PADI1: variants seen among roughly 807,000 people sequenced by gnomAD.
PADI1 encodes protein-arginine deiminase type-1.
In PADI1, 65 loss-of-function variants were observed where a neutral mutation model predicts 74.8. That is an observed-to-expected ratio of 0.87 (90% CI 0.71 to 1.07). The LOEUF (loss-of-function observed/expected upper bound fraction) is 1.07. Among genes scored for constraint, PADI1 ranks in the 50% least tolerant of loss-of-function variants. The pLI is 0.00. For missense variants in PADI1, 943 were observed against 854.0 expected, an observed-to-expected ratio of 1.10 and a Z score of -1.30; for synonymous variants, 371 against 336.2, an observed-to-expected ratio of 1.10 and a Z score of -1.13.
intron 2 of PADI1, among the ~76,000 whole-genome samples, chr1:17,222,685 G>A (rs72646750): frequency 0.12 from 18,026 of 152,070 alleles, 1,227 homozygotes; most frequent in Non-Finnish European, 0.16. Context: ...ACATGTACAC[G>A]TGAGTACTCC....
rs552100900 is a variant in PADI1 at position 17,232,691 on chromosome 1, G to A, written c.1162-128G>A. ...GATTTGTAAAAAGTGGACAGAGATC[G>A]TTTTTCAGGTACTAAGAGCCATGGA... On this transcript the variant is annotated intron_variant, in intron 10 of 15. Coordinates refer to ENST00000375471, the MANE Select transcript of PADI1 (RefSeq NM_013358.3). 57 of 708,480 alleles carry A rather than the reference G, an allele frequency of 8.0e-5. No individual in the cohort carries two copies. In the East Asian group the frequency reaches 1.7e-3, roughly 21 times the overall value. 43.9% of individuals were successfully genotyped at this position (708,480 alleles called of 1,614,324 possible).
intron 10 of PADI1, among the ~76,000 whole-genome samples, chr1:17,231,278 G>C (rs1469200533): frequency 6.6e-6 from 1 of 152,134 alleles, no homozygotes; most frequent in African/African-American, 2.4e-5. Flanking sequence ...GGAAATCAAG[G>C]CTCAGGGAGG....
At chr1:17,229,993 G>T in intron 8 of PADI1, 92 bp from the exon 9 acceptor site, 1 of 1,238,970 alleles carries the variant, frequency 8.1e-7, no homozygotes. Context: ...TACCCCAGAG[G>T]CTGCACAGGG....
At chr1:17,228,521 A>G in intron 6 of PADI1, 104 bp from the exon 7 acceptor site, 1 of 1,207,528 alleles carries the variant, frequency 8.3e-7, no homozygotes, top group South Asian at 1.3e-5. Context: ...GCCAGAGAGG[A>G]ACCCAAGCTG....
At chr1:17,233,619 G>A (rs908815622) in intron 11 of PADI1, among the ~76,000 whole-genome samples, 9 of 152,260 alleles carry the variant, frequency 5.9e-5, no homozygotes, top group Non-Finnish European at 1.0e-4. Flanking sequence ...AAAGAATGAC[G>A]TGTGCAGTTC....
Position 17,226,015 on chromosome 1 carries a change from G to A in PADI1, c.527-18G>A, listed in dbSNP as rs1184726179. 6.2e-7 allele frequency: 1 copy of A among 1,613,586 alleles called. No individual in the cohort carries two copies. The highest frequency in any genetic ancestry group is 2.2e-5 in the East Asian group (1 of 44,858). On this transcript the variant is annotated intron_variant, in intron 5 of 15. Transcript: ENST00000375471. ...TGGGGTGGAGAAAGGGCGATCTCAA[G>A]AGGGCCACTCTCTCCAGACCTGCAG...
chr1:17,238,643 A>C lies in PADI1; in HGVS notation c.1486A>C (p.Ser496Arg), dbSNP rs200423722. 245 of 1,549,274 alleles carry C rather than the reference A, an allele frequency of 1.6e-4. No individual in the cohort carries two copies. In the South Asian group the frequency reaches 2.7e-3, roughly 17 times the overall value. Reference protein sequence around the residue: ...KGFRLLLASPSACLKLFQEKK... With the variant: ...KGFRLLLASPRACLKLFQEKK... ...CTTCCGGCTGCTCCTGGCTAGCCCC[A>C]GCGCTTGCCTCAAACTCTTCCAAGA... The change falls in exon 13 of 16, where the codon AGC (serine) becomes CGC (arginine). Residue 496 changes from serine (S) to arginine (R), a missense_variant. Physicochemically the swap from Ser to Arg is moderately radical, Grantham distance 110. Transcript: ENST00000375471.
chr1:17,228,998 C>A lies in PADI1; in HGVS notation c.876C>A (p.Ala292=), dbSNP rs142061042. ...LFTDTVGFRM[A]PWIMTPNTQP... ...CAGACACTGTGGGCTTCCGCATGGC[C>A]CCCTGGATCATGACGCCCAACACTC... The change falls in exon 8 of 16, where the codon GCC becomes GCA. Residue 292 remains alanine, a synonymous_variant. Coordinates refer to ENST00000375471, the MANE Select transcript of PADI1 (RefSeq NM_013358.3). The A allele has an allele frequency of 4.4e-6, 7 of 1,595,862 alleles. No homozygotes were observed. In the African/African-American group the frequency reaches 8.0e-5, roughly 18 times the overall value.
At chr1:17,218,583 C>T (rs1194193710) in intron 1 of PADI1, among the ~76,000 whole-genome samples, 2 of 152,170 alleles carry the variant, frequency 1.3e-5, no homozygotes, top group African/African-American at 4.8e-5. Flanking sequence ...AGAAAAGACC[C>T]ACTGGGTTTG....
intron 6 of PADI1, 95 bp from the exon 7 acceptor site, chr1:17,228,530 T>C: frequency 2.2e-6 from 3 of 1,340,382 alleles, no homozygotes; most frequent in Non-Finnish European, 3.2e-6. Flanking sequence ...GAACCCAAGC[T>C]GCTCTAACCA....
intron 15 of PADI1, among the ~76,000 whole-genome samples, chr1:17,243,621 CCTTGTAGGTGTG>C (rs2072820900): frequency 6.6e-6 from 1 of 152,228 alleles, no homozygotes; most frequent in Admixed American, 6.5e-5. Flanking sequence ...ACACCACAGA[CCTTGTAGGTGTG>C]TATATTTGTT....
At chr1:17,205,396 C>A (rs2071658420) in intron 1 of PADI1, 87 bp downstream of exon 1, 2 of 1,008,840 alleles carry the variant, frequency 2.0e-6, no homozygotes, top group South Asian at 1.3e-5. Flanking sequence ...ACAAGTCAGG[C>A]ACGTTGGAAA....
chr1:17,230,774 G>A, intron 10 of PADI1, 95 bp downstream of exon 10: 2 of 714,094 alleles, frequency 2.8e-6, no homozygotes, highest in Admixed American at 5.1e-5. Context: ...ATAGGGCTCA[G>A]AGAACAGGAA....
intron 1 of PADI1, among the ~76,000 whole-genome samples, chr1:17,213,927 G>A (rs1218948274): frequency 1.3e-5 from 2 of 152,228 alleles, no homozygotes; most frequent in Non-Finnish European, 2.9e-5. Context: ...GATGCAACTG[G>A]CCCTGCTGTG....
intron 1 of PADI1, among the ~76,000 whole-genome samples, chr1:17,213,845 C>T (rs59602620): frequency 1.6e-4 from 25 of 152,336 alleles, no homozygotes; most frequent in African/African-American, 5.8e-4. Context: ...CCTCATCCCG[C>T]CCTCCGCGTC....
intron 1 of PADI1, among the ~76,000 whole-genome samples, chr1:17,219,579 T>G (rs1371404766): frequency 1.3e-5 from 2 of 152,094 alleles, no homozygotes; most frequent in Non-Finnish European, 2.9e-5. Context: ...GCACACCATC[T>G]ACATCGCCAT....
chr1:17,205,137 A>G lies in PADI1; in HGVS notation c.-81A>G, dbSNP rs538452480. On this transcript the variant is annotated 5_prime_UTR_variant, in exon 1 of 16. Coordinates refer to ENST00000375471, the MANE Select transcript of PADI1 (RefSeq NM_013358.3). ...GAGGCACCAGTCCATCAGAACTCAC[A>G]CTTCTTCCTGGCAAAGAAGTGCCCA... The G allele has an allele frequency of 6.1e-5, 69 of 1,130,924 alleles. No homozygotes were observed. The African/African-American group carries it at 9.9e-4, about 16-fold the overall frequency. The allele number at this position is 1,130,924 out of a possible 1,614,324, so 70.1% of individuals were successfully genotyped here. A position where few individuals can be genotyped will look rare whatever the true frequency, so the allele number is the denominator to read the frequency against.
In PADI1 at chr1:17,244,866, C is replaced by T. The variant is rs1440496170; in HGVS notation, c.*623C>T. ...CCAATTTAAATAGAAAAAAAGACAA[C>T]AAAATTTTAATAGCTGACTCCGACC... On this transcript the variant is annotated 3_prime_UTR_variant, in exon 16 of 16. Coordinates refer to ENST00000375471, the MANE Select transcript of PADI1 (RefSeq NM_013358.3). 5.9e-6 allele frequency: 1 copy of T among 169,530 alleles called. No individual in the cohort carries two copies. Among genetic ancestry groups the T allele is most frequent in the Non-Finnish European group, 1.3e-5 (1 of 78,372 alleles). 10.5% of individuals were successfully genotyped at this position (169,530 alleles called of 1,614,324 possible). A position where few individuals can be genotyped will look rare whatever the true frequency, so the allele number is the denominator to read the frequency against.
intron 11 of PADI1, among the ~76,000 whole-genome samples, chr1:17,236,721 G>A (rs35573454): frequency 0.17 from 25,314 of 151,756 alleles, 2,475 homozygotes; most frequent in Middle Eastern, 0.22. Context: ...CAGCCTCTAG[G>A]CTGGGCAACA....
Sources: gnomAD v4.1 joint callset for allele counts (sites outside exome capture counted in the v4.1 genomes callset) on GRCh38, gnomAD v4.1.1 for gene constraint, MANE v1.5 for transcripts, NCBI Gene and HGNC (gene_info 2026-07-23, HGNC 2026-07-21) for gene names.